SLC30A7: variants seen among roughly 807,000 people sequenced by gnomAD.
SLC30A7 encodes the protein zinc transporter 7.
Under a neutral mutation model 46.0 loss-of-function variants are expected in SLC30A7, and 35 were observed. That is an observed-to-expected ratio of 0.76 (90% confidence interval 0.58 to 1.01). The LOEUF (loss-of-function observed/expected upper bound fraction) is 1.01, where lower values mean the gene tolerates loss of function less well. SLC30A7 is among the 50% of genes least tolerant of loss of function. SLC30A7 has a pLI of 0.00. For synonymous variants in SLC30A7, 147 were observed against 157.8 expected, an observed-to-expected ratio of 0.93 and a Z score of 0.51; for missense variants, 464 against 451.1, an observed-to-expected ratio of 1.03 and a Z score of -0.26.
At chr1:100,936,131 C>T (rs1208955598) in intron 8 of SLC30A7, among the ~76,000 whole-genome samples, 1 of 151,142 alleles carries the variant, frequency 6.6e-6, no homozygotes, top group East Asian at 1.9e-4. Flanking sequence ...CACAGTTTAC[C>T]ATAGTAGTAT....
chr1:100,936,910 T>G (rs1333558733), intron 8 of SLC30A7, among the ~76,000 whole-genome samples: 1 of 152,242 alleles, frequency 6.6e-6, no homozygotes, highest in African/African-American at 2.4e-5. Flanking sequence ...TCATTCACTT[T>G]GTAGTATATG....
At chr1:100,933,279 A>C (rs888037942) in intron 8 of SLC30A7, among the ~76,000 whole-genome samples, 3 of 151,636 alleles carry the variant, frequency 2.0e-5, no homozygotes, top group Non-Finnish European at 1.5e-5. Context: ...TGGCCACCAC[A>C]ATTTTTTTTA....
chr1:100,961,527 G>T (rs878905211), intron 8 of SLC30A7, among the ~76,000 whole-genome samples: 1 of 152,152 alleles, frequency 6.6e-6, no homozygotes, highest in Admixed American at 6.5e-5. Context: ...TTCTGACCAC[G>T]TGGAGTCATA....
intron 8 of SLC30A7, among the ~76,000 whole-genome samples, chr1:100,951,060 A>G (rs1447614205): frequency 1.3e-5 from 2 of 152,212 alleles, no homozygotes; most frequent in African/African-American, 4.8e-5. Flanking sequence ...AATGGGATTT[A>G]TAGACCAACT....
Position 100,980,660 on chromosome 1 carries a change from T to C in SLC30A7, c.*5803T>C, listed in dbSNP as rs1453777501. ...CAAATAAATGACTATATATTCACCT[T>C]GGCCATTTTTTTTTTTAAGTAGCCC... On this transcript the variant is annotated 3_prime_UTR_variant, in exon 11 of 11. Transcript: ENST00000357650. 6.6e-6 allele frequency: 1 copy of C among 152,022 alleles called. No homozygotes were observed. Among genetic ancestry groups the C allele is most frequent in the Non-Finnish European group, 1.5e-5 (1 of 67,934 alleles). The allele number at this position is 152,022 out of a possible 1,614,324, so 9.4% of individuals were successfully genotyped here.
intron 8 of SLC30A7, 30 bp downstream of exon 8, chr1:100,921,871 A>G: frequency 6.3e-7 from 1 of 1,575,554 alleles, no homozygotes; most frequent in Non-Finnish European, 8.7e-7. Context: ...TCAAGTATTA[A>G]AGTGAGACTG....
At chr1:100,987,665 GCT>G in the SLC30A7 span, among the ~76,000 whole-genome samples, 2 of 135,722 alleles carry the variant, frequency 1.5e-5, no homozygotes, top group Non-Finnish European at 3.2e-5. Context: ...TCTGTTGTCT[GCT>G]CTTTTTTTTT....
At position 100,981,410 on chromosome 1, in the gene SLC30A7, A is replaced by G. The variant is rs1656925817; in HGVS notation, c.*6553A>G. On this transcript the variant is annotated 3_prime_UTR_variant, in exon 11 of 11. Transcript: ENST00000357650. Reference sequence around the variant, plus strand: ...CTTAGTATATTTTAAGCACCCTACAACACTTTACCTCCCTGCCTTTAGTGG... The same window carrying G: ...CTTAGTATATTTTAAGCACCCTACAGCACTTTACCTCCCTGCCTTTAGTGG... 6.6e-6 allele frequency: 1 copy of G among 152,140 alleles called. No individual in the cohort carries two copies. 9.4% of individuals were successfully genotyped at this position (152,140 alleles called of 1,614,324 possible).
At chr1:100,907,877 G>A (rs1651782229) in intron 3 of SLC30A7, among the ~76,000 whole-genome samples, 1 of 151,644 alleles carries the variant, frequency 6.6e-6, no homozygotes, top group Admixed American at 6.6e-5. Context: ...TGTCGCTTGG[G>A]CTTGTGCTCA....
chr1:100,924,183 AC>A (rs1653133698), intron 8 of SLC30A7, among the ~76,000 whole-genome samples: 1 of 152,182 alleles, frequency 6.6e-6, no homozygotes, highest in Non-Finnish European at 1.5e-5. Context: ...AATGACTCTT[AC>A]CCTTAGGATA....
In SLC30A7 at chr1:100,966,171, T is replaced by G. The variant is rs562779627; in HGVS notation, c.1083+253T>G. Reference sequence around the variant, plus strand: ...GGAGCCCAAGAGTTTGAGGCTGCAGTGGGTTATGATCCAGTTGCACTCCAG... The same window carrying G: ...GGAGCCCAAGAGTTTGAGGCTGCAGGGGGTTATGATCCAGTTGCACTCCAG... On this transcript the variant is annotated intron_variant, in intron 10 of 10. Coordinates refer to ENST00000357650, the MANE Select transcript of SLC30A7 (RefSeq NM_133496.5). Among the ~76,000 whole-genome samples, 15 of 150,240 alleles carry G rather than the reference T, an allele frequency of 1.0e-4. No individual in the cohort carries two copies. The East Asian group carries it at 2.9e-3, about 29-fold the overall frequency.
chr1:100,990,894 A>G, the SLC30A7 span, among the ~76,000 whole-genome samples: 1 of 152,250 alleles, frequency 6.6e-6, no homozygotes, highest in African/African-American at 2.4e-5. Context: ...TTGACAAGCT[A>G]TACTTACACT....
chr1:100,927,962 G>A (rs1653412673), intron 8 of SLC30A7, among the ~76,000 whole-genome samples: 1 of 152,120 alleles, frequency 6.6e-6, no homozygotes, highest in Admixed American at 6.6e-5. Context: ...TGAGATGCTT[G>A]GAATTGAGAT....
intron 9 of SLC30A7, among the ~76,000 whole-genome samples, 190 bp downstream of exon 9, chr1:100,962,108 A>G (rs1301597208): frequency 6.6e-6 from 1 of 152,232 alleles, no homozygotes; most frequent in Admixed American, 6.5e-5. Flanking sequence ...ACTAAAGAAA[A>G]TGTGGTAGAA....
intron 8 of SLC30A7, among the ~76,000 whole-genome samples, chr1:100,938,310 C>G (rs917491198): frequency 6.6e-6 from 1 of 152,072 alleles, no homozygotes; most frequent in African/African-American, 2.4e-5. Flanking sequence ...CTTTTGAATA[C>G]CTCTTATAAA....
chr1:100,959,838 G>A lies in SLC30A7; in HGVS notation c.843-1990G>A, dbSNP rs115106148. ...AGGGTCATTGGGAGCCATCACTGAA[G>A]CTGCCTGTTACGTGGACTTGAGGAA... On this transcript the variant is annotated intron_variant, in intron 8 of 10. Coordinates refer to ENST00000357650, the MANE Select transcript of SLC30A7 (RefSeq NM_133496.5). 3.0e-3 allele frequency among the ~76,000 whole-genome samples: 451 copies of A among 152,308 alleles called. 2 individuals carry two copies. Among genetic ancestry groups the A allele is most frequent in the African/African-American group, 0.01 (424 of 41,566 alleles).
chr1:100,973,070 GA>G (rs202235232), intron 10 of SLC30A7, among the ~76,000 whole-genome samples: 8 of 147,504 alleles, frequency 5.4e-5, no homozygotes, highest in Admixed American at 2.0e-4. Context: ...AAAAAAAAAA[GA>G]AAAAAAAGGA....
rs1558013851 is a variant in SLC30A7 at position 100,976,021 on chromosome 1, A to G, written c.*1164A>G. 1 of 152,514 alleles carries G rather than the reference A, an allele frequency of 6.6e-6. No homozygotes were observed. The highest frequency in any genetic ancestry group is 1.5e-5 in the Non-Finnish European group (1 of 68,006). 9.4% of individuals were successfully genotyped at this position (152,514 alleles called of 1,614,324 possible). A position where few individuals can be genotyped will look rare whatever the true frequency, so the allele number is the denominator to read the frequency against. On this transcript the variant is annotated 3_prime_UTR_variant, in exon 11 of 11. Transcript: ENST00000357650. ...AAAAGGTGTTAATTTGCTTTTTAAA[A>G]CAAATTTAATTATCACATTTTAAAT...
Position 100,906,837 on chromosome 1 carries a change from T to C in SLC30A7, c.183-15T>C, listed in dbSNP as rs1651707922. On this transcript the variant is annotated splice_polypyrimidine_tract_variant and intron_variant, in intron 2 of 10. Transcript: ENST00000357650. Reference sequence around the variant, plus strand: ...GTTTTTATTATAATTTGTCAATGTGTTTGTTCTTTTCCAGCTTAGGCTTGA... The same window carrying C: ...GTTTTTATTATAATTTGTCAATGTGCTTGTTCTTTTCCAGCTTAGGCTTGA... The C allele has an allele frequency of 1.3e-6, 2 of 1,565,780 alleles. No individual in the cohort carries two copies. Among genetic ancestry groups the C allele is most frequent in the African/African-American group, 2.7e-5 (2 of 74,012 alleles).
Sources: gnomAD v4.1 joint callset for allele counts (sites outside exome capture counted in the v4.1 genomes callset) on GRCh38, gnomAD v4.1.1 for gene constraint, MANE v1.5 for transcripts, NCBI Gene and HGNC (gene_info 2026-07-23, HGNC 2026-07-21) for gene names.